Variants in SH3KBP1 observed in about 807,000 individuals in gnomAD.
SH3KBP1 encodes the protein SH3 domain-containing kinase-binding protein 1.
SH3KBP1 carries 8 observed loss-of-function variants against 50.1 expected under a neutral mutation model. The ratio of observed to expected loss-of-function variants is 0.16; its 90% CI spans 0.09 to 0.29. The LOEUF is 0.29. SH3KBP1 is among the 10% of genes least tolerant of loss of function. SH3KBP1 has a pLI of 1.00. For synonymous variants in SH3KBP1, 227 were observed against 218.6 expected (o/e 1.04, Z -0.34); for missense variants, 377 against 535.2 (o/e 0.70, Z 2.92).
chrX:19,760,311 C>G (rs113004318), intron 2 of SH3KBP1, among the ~76,000 whole-genome samples: 4 of 109,381 alleles, frequency 3.7e-5, no homozygotes, highest in Non-Finnish European at 5.7e-5. Context: ...GGCATGAACA[C>G]GGGAGACAGA....
intron 9 of SH3KBP1, among the ~76,000 whole-genome samples, chrX:19,605,165 G>A (rs937418749): frequency 1.9e-5 from 2 of 107,476 alleles, no homozygotes; most frequent in Non-Finnish European, 3.9e-5. Context: ...TGAATTTACT[G>A]CCCCCCCCCA....
At chrX:19,874,068 A>AAAAAAAATAT (rs1491537486) in intron 1 of SH3KBP1, among the ~76,000 whole-genome samples, 3 of 57,045 alleles carry the variant, frequency 5.3e-5, no homozygotes, top group African/African-American at 4.8e-4. Flanking sequence ...AAAAAAAAAA[A>AAAAAAAATAT]ATATATATAT....
chrX:19,573,582 C>A (rs759275616), intron 12 of SH3KBP1, among the ~76,000 whole-genome samples: 1 of 112,064 alleles, frequency 8.9e-6, no homozygotes, highest in Admixed American at 9.5e-5. Context: ...CCACCATGCC[C>A]GGCCTAAAGT....
At chrX:19,877,142 T>G (rs539343361) in intron 1 of SH3KBP1, among the ~76,000 whole-genome samples, 1 of 112,310 alleles carries the variant, frequency 8.9e-6, no homozygotes, top group East Asian at 2.8e-4. Flanking sequence ...TGCCATCTAA[T>G]AGTTTGTTGA....
chrX:19,877,525 T>C (rs1008797407), intron 1 of SH3KBP1, among the ~76,000 whole-genome samples: 1 of 111,744 alleles, frequency 8.9e-6, no homozygotes, highest in African/African-American at 3.3e-5. Context: ...ACTAAGCTAA[T>C]TAAAGACTTT....
At chrX:19,605,354 C>T (rs1217598534) in intron 9 of SH3KBP1, among the ~76,000 whole-genome samples, 3 of 111,614 alleles carry the variant, frequency 2.7e-5, no homozygotes, top group Non-Finnish European at 5.6e-5. Context: ...AAAAGCATCA[C>T]GTTGTAAACA....
chrX:19,883,865 T>C lies in SH3KBP1; in HGVS notation c.4+3442A>G, dbSNP rs181823737. On this transcript the variant is annotated intron_variant, in intron 1 of 17. Transcript: ENST00000397821. The stretch of plus-strand genomic sequence containing the variant: ...CAATGTTCCCTGCTCCTAGAGAACA[T>C]TTGTTAAAATACCCAATCACAAATT... Among the ~76,000 whole-genome samples, 141 of 111,508 alleles carry C rather than the reference T, an allele frequency of 1.3e-3. 1 individual carries two copies. Among genetic ancestry groups the C allele is most frequent in the Non-Finnish European group, 2.2e-3 (119 of 53,030 alleles).
intron 2 of SH3KBP1, among the ~76,000 whole-genome samples, chrX:19,815,350 T>C (rs889822531): frequency 9.0e-6 from 1 of 110,998 alleles, no homozygotes; most frequent in Non-Finnish European, 1.9e-5. Flanking sequence ...CACAAGAACT[T>C]ACAAAAACGG....
chrX:19,769,990 T>C (rs1442553636), intron 2 of SH3KBP1, among the ~76,000 whole-genome samples: 1 of 111,475 alleles, frequency 9.0e-6, no homozygotes, highest in East Asian at 2.8e-4. Flanking sequence ...TGGACAAACA[T>C]CTGAATCTAA....
At chrX:19,855,129 C>T (rs1044587021) in intron 1 of SH3KBP1, among the ~76,000 whole-genome samples, 1 of 110,526 alleles carries the variant, frequency 9.0e-6, no homozygotes, top group African/African-American at 3.3e-5. Flanking sequence ...ATTACAGGTG[C>T]GCACCACCAT....
chrX:19,625,787 C>T (rs1225330981), intron 8 of SH3KBP1, among the ~76,000 whole-genome samples: 1 of 111,776 alleles, frequency 8.9e-6, no homozygotes, highest in Non-Finnish European at 1.9e-5. Context: ...CAAGAGTCAC[C>T]TCTGGAAGTG....
intron 15 of SH3KBP1, among the ~76,000 whole-genome samples, 158 bp from the exon 16 acceptor site, chrX:19,542,351 T>G (rs1443781773): frequency 8.9e-6 from 1 of 112,059 alleles, no homozygotes; most frequent in African/African-American, 3.2e-5. Context: ...AGGGCCTGCT[T>G]GGTACAGGCA....
intron 9 of SH3KBP1, among the ~76,000 whole-genome samples, chrX:19,604,453 C>T (rs749797250): frequency 2.7e-5 from 3 of 111,712 alleles, no homozygotes; most frequent in South Asian, 3.8e-4. Context: ...GAATGCTCTG[C>T]GGATGCCTAC....
At chrX:19,540,990 C>A (rs1425526335) in intron 16 of SH3KBP1, among the ~76,000 whole-genome samples, 3 of 110,637 alleles carry the variant, frequency 2.7e-5, no homozygotes, top group African/African-American at 9.9e-5. Flanking sequence ...TCTTGGCTCA[C>A]TGCAACCTCC....
At chrX:19,673,595 T>C (rs755914756) in intron 6 of SH3KBP1, among the ~76,000 whole-genome samples, 1 of 111,370 alleles carries the variant, frequency 9.0e-6, no homozygotes, top group African/African-American at 3.3e-5. Flanking sequence ...CCTGGCCAAT[T>C]AGTCATCGAC....
At position 19,662,152 on chromosome X, in the gene SH3KBP1, C is replaced by T. The variant is rs889236415; in HGVS notation, c.727-16677G>A. Among the ~76,000 whole-genome samples the T allele has an allele frequency of 2.2e-4, 24 of 111,174 alleles. No individual in the cohort carries two copies. In the Admixed American group the frequency reaches 2.2e-3, roughly 10 times the overall value. On this transcript the variant is annotated intron_variant, in intron 6 of 17. Coordinates refer to ENST00000397821, the MANE Select transcript of SH3KBP1 (RefSeq NM_031892.3). ...TGTAAAATGAGTCATGACGGTAATT[C>T]GAAAGACACCACCCATATAGAATAT...
chrX:19,653,725 CACACATATATATACAT>C (rs1463776233), intron 6 of SH3KBP1, among the ~76,000 whole-genome samples: 4 of 105,979 alleles, frequency 3.8e-5, no homozygotes, highest in South Asian at 4.4e-4. Context: ...TATATATACA[CACACATATATATACAT>C]ACACATATAT....
At chrX:19,868,810 T>C (rs1050278241) in intron 1 of SH3KBP1, among the ~76,000 whole-genome samples, 6 of 108,175 alleles carry the variant, frequency 5.5e-5, no homozygotes, top group African/African-American at 2.0e-4. Context: ...GGACTGTCTG[T>C]AGAACCCATC....
At chrX:19,645,021 G>T (rs2061958380) in intron 7 of SH3KBP1, among the ~76,000 whole-genome samples, 1 of 111,684 alleles carries the variant, frequency 9.0e-6, no homozygotes, top group Non-Finnish European at 1.9e-5. Context: ...AGTTCAAGTG[G>T]TTAGGCCTCT....
Sources: gnomAD v4.1 joint callset for allele counts (sites outside exome capture counted in the v4.1 genomes callset) on GRCh38, gnomAD v4.1.1 for gene constraint, MANE v1.5 for transcripts, NCBI Gene and HGNC (gene_info 2026-07-23, HGNC 2026-07-21) for gene names.